The following SYNE2 variants were observed in gnomAD, a reference collection of about 807,000 sequenced individuals.
The protein encoded by SYNE2 is spectrin repeat containing nuclear envelope protein 2, also known as nesprin-2.
In SYNE2, 431 loss-of-function variants were observed where a neutral mutation model predicts 856.3. The observed-to-expected ratio is 0.50, with a 90% CI of 0.47 to 0.55. The LOEUF (loss-of-function observed/expected upper bound fraction) is 0.55, where lower values mean the gene tolerates loss of function less well. SYNE2 is among the 20% of genes least tolerant of loss of function. SYNE2 has a pLI of 0.00. For synonymous variants in SYNE2, 2,923 were observed against 2,872.3 expected, an observed-to-expected ratio of 1.02 and a Z score of -0.56; for missense variants, 8,129 against 8,023.2, an observed-to-expected ratio of 1.01 and a Z score of -0.50.
chr14:64,128,421 G>C (rs1188927559), intron 73 of SYNE2, 31 bp from the exon 74 acceptor site: 1 of 1,206,374 alleles, frequency 8.3e-7, no homozygotes, highest in Non-Finnish European at 1.2e-6. Flanking sequence ...GCCTAAATGA[G>C]ATTGCTCAGT....
intron 34 of SYNE2, 61 bp from the exon 35 acceptor site, chr14:64,019,931 G>A: frequency 3.7e-6 from 4 of 1,072,992 alleles, no homozygotes; most frequent in Non-Finnish European, 4.3e-6. Flanking sequence ...TAGTAATTAT[G>A]GGTATCAGAA....
intron 57 of SYNE2, among the ~76,000 whole-genome samples, chr14:64,082,858 T>C (rs938982279): frequency 7.2e-5 from 11 of 152,210 alleles, no homozygotes; most frequent in Non-Finnish European, 2.9e-5. Context: ...ACTCCACACA[T>C]GCCCCACGTG....
intron 106 of SYNE2, among the ~76,000 whole-genome samples, chr14:64,215,028 C>T (rs974300012): frequency 6.6e-6 from 1 of 152,210 alleles, no homozygotes; most frequent in African/African-American, 2.4e-5. Flanking sequence ...ACATGAGCCA[C>T]TGTGCCTACC....
At chr14:63,820,109 A>G (rs1361805433) in intron 1 of SYNE2, among the ~76,000 whole-genome samples, 1 of 152,186 alleles carries the variant, frequency 6.6e-6, no homozygotes, top group Non-Finnish European at 1.5e-5. Flanking sequence ...TGGAAATGCA[A>G]ATAACCTAGA....
chr14:64,095,231 G>T (rs2097666872), intron 61 of SYNE2: 1 of 166,002 alleles, frequency 6.0e-6, no homozygotes. Context: ...TTGGAAGATG[G>T]AGGAATATTT....
At chr14:64,068,170 T>C (rs140595022) in intron 51 of SYNE2, among the ~76,000 whole-genome samples, 7 of 152,208 alleles carry the variant, frequency 4.6e-5, no homozygotes, top group Non-Finnish European at 8.8e-5. Context: ...CTTCACACTT[T>C]TTAGTGTAAA....
At chr14:63,924,834 G>GTTTTTTTTTTTT (rs1160819887) in intron 2 of SYNE2, among the ~76,000 whole-genome samples, 27 of 56,456 alleles carry the variant, frequency 4.8e-4, no homozygotes, top group Non-Finnish European at 6.7e-4. Context: ...CAGCCTTGGT[G>GTTTTTTTTTTTT]TTTTTTTTTT....
chr14:64,021,769 T>G, intron 36 of SYNE2, 88 bp from the exon 37 acceptor site: 9 of 1,453,516 alleles, frequency 6.2e-6, no homozygotes, highest in South Asian at 1.2e-5. Context: ...GTCATTGAGA[T>G]TTTTACAAAA....
Position 64,186,460 on chromosome 14 carries a change from T to C in SYNE2, c.17593T>C (p.Leu5865=), listed in dbSNP as rs756048009. ...GTCTTTGGCTAGCTGGACTCAGAAC[T>C]TGAAAGAACTTCAAACTATGAAGGC... is the stretch of plus-strand genomic sequence containing the variant. ...EQSLASWTQN[L]KELQTMKADL... Residue 5865 remains leucine (L), a synonymous_variant, in exon 97 of 116, where the codon TTG becomes CTG. Transcript: ENST00000555002. The C allele has an allele frequency of 6.2e-7, 1 of 1,614,196 alleles. No homozygotes were observed. The highest frequency in any genetic ancestry group is 8.5e-7 in the Non-Finnish European group (1 of 1,180,038).
At chr14:63,785,172 C>G (rs1000877510) in intron 1 of SYNE2, among the ~76,000 whole-genome samples, 7 of 152,060 alleles carry the variant, frequency 4.6e-5, no homozygotes, top group African/African-American at 1.7e-4. Flanking sequence ...GGAATTGGCA[C>G]ACTTCAGGCC....
chr14:63,914,970 G>A (rs183580669), intron 2 of SYNE2, among the ~76,000 whole-genome samples: 1 of 152,198 alleles, frequency 6.6e-6, no homozygotes, highest in East Asian at 1.9e-4. Flanking sequence ...TAGAGATGGG[G>A]TTTTGCCATG....
chr14:63,940,628 A>G lies in SYNE2; in HGVS notation c.94A>G (p.Thr32Ala), dbSNP rs760740094. 2.5e-6 allele frequency: 4 copies of G among 1,614,152 alleles called. No individual in the cohort carries two copies. ...TTCTTTGATAGCTGAACAGGAAGAC[A>G]CCCAGAAGAAAGCCTTCACGTGCTG... ...HISLQAEQED[T>A]QKKAFTCWIN... Residue 32 changes from threonine to alanine, a missense_variant, in exon 3 of 116, where the codon ACC becomes GCC. Physicochemically the swap from Thr to Ala is moderately conservative, Grantham distance 58 (BLOSUM62 0). Coordinates refer to ENST00000555002, the MANE Select transcript of SYNE2 (RefSeq NM_182914.3).
upstream of SYNE2, among the ~76,000 whole-genome samples, chr14:63,851,975 CGGGGGGG>C (rs113075796): frequency 0.018 from 433 of 23,564 alleles, 8 homozygotes; most frequent in East Asian, 0.11. Context: ...AGCTACTAAG[CGGGGGGG>C]GGGGGGGGGG....
chr14:64,128,888 C>A (rs2097979293), intron 74 of SYNE2, among the ~76,000 whole-genome samples: 1 of 152,206 alleles, frequency 6.6e-6, no homozygotes, highest in African/African-American at 2.4e-5. Flanking sequence ...AACATGAATA[C>A]TCTCTCTTCC....
intron 1 of SYNE2, among the ~76,000 whole-genome samples, chr14:63,781,120 T>C (rs760886637): frequency 6.6e-6 from 1 of 151,756 alleles, no homozygotes; most frequent in Non-Finnish European, 1.5e-5. Flanking sequence ...CTACTAAAAA[T>C]ACAAAAAATT....
chr14:63,792,114 C>T (rs1425260067), intron 1 of SYNE2, among the ~76,000 whole-genome samples: 3 of 151,940 alleles, frequency 2.0e-5, no homozygotes, highest in African/African-American at 2.4e-5. Flanking sequence ...TCCAACCATA[C>T]GAGTAATTAC....
In SYNE2 at chr14:64,142,528, T is replaced by A. The variant is rs556153351; in HGVS notation, c.15306+440T>A. Among the ~76,000 whole-genome samples, 4 of 152,304 alleles carry A rather than the reference T, an allele frequency of 2.6e-5. No homozygotes were observed. The South Asian group carries it at 8.3e-4, about 32-fold the overall frequency. On this transcript the variant is annotated intron_variant, in intron 82 of 115. Transcript: ENST00000555002. ...TTCCATAGTCAGCTCGAGTTGTCCT[T>A]GTTTGCAAATCCACCCCTGACTCTC...
chr14:64,030,876 A>G, intron 44 of SYNE2, 140 bp from the exon 45 acceptor site: 1 of 692,506 alleles, frequency 1.4e-6, no homozygotes, highest in Non-Finnish European at 2.5e-6. Context: ...AAATTTTGCC[A>G]AAGTTTCTTC....
In SYNE2 at chr14:64,170,465, A is replaced by G; in HGVS notation, c.17235+3A>G. 1.2e-6 allele frequency: 2 copies of G among 1,607,270 alleles called. No homozygotes were observed. Among genetic ancestry groups the G allele is most frequent in the Non-Finnish European group, 1.7e-6 (2 of 1,176,414 alleles). On this transcript the variant is annotated splice_donor_region_variant and intron_variant, in intron 94 of 115. Coordinates refer to ENST00000555002, the MANE Select transcript of SYNE2 (RefSeq NM_182914.3). The stretch of plus-strand genomic sequence containing the variant: ...GAAGTCTGATCCATGAGCTGAAGGT[A>G]GTGTATGCATCGTAGCAGTGTGAGA...
Sources: gnomAD v4.1 joint callset for allele counts (sites outside exome capture counted in the v4.1 genomes callset) on GRCh38, gnomAD v4.1.1 for gene constraint, MANE v1.5 for transcripts, NCBI Gene and HGNC (gene_info 2026-07-23, HGNC 2026-07-21) for gene names.